Variants in PDGFRB observed in about 807,000 individuals in gnomAD.
PDGFRB encodes the protein platelet derived growth factor receptor beta.
PDGFRB carries 42 observed loss-of-function variants against 120.2 expected under a neutral mutation model. That is an observed-to-expected ratio of 0.35 (90% CI 0.27 to 0.45). PDGFRB has a LOEUF of 0.45. PDGFRB is among the 20% of genes least tolerant of loss of function. PDGFRB has a pLI of 1.00. For missense variants in PDGFRB, 1,149 were observed against 1,476.3 expected (o/e 0.78, Z 3.63); for synonymous variants, 586 against 606.8 (o/e 0.97, Z 0.50).
At chr5:150,117,249 A>G (rs1759964154) in intron 22 of PDGFRB, among the ~76,000 whole-genome samples, 1 of 152,128 alleles carries the variant, frequency 6.6e-6, no homozygotes, top group South Asian at 2.1e-4. Flanking sequence ...CAGGCTGGCC[A>G]TGAGTAACAG....
intron 6 of PDGFRB, among the ~76,000 whole-genome samples, 178 bp from the exon 7 acceptor site, chr5:150,133,120 G>T (rs1464480363): frequency 2.0e-5 from 3 of 152,198 alleles, no homozygotes; most frequent in Non-Finnish European, 2.9e-5. Context: ...CGAATTTGGG[G>T]CTAATATGGA....
rs2113914989 is a variant in PDGFRB at position 150,137,054 on chromosome 5, C to G, written c.-6-1G>C. The G allele has an allele frequency of 6.2e-7, 1 of 1,613,176 alleles. No individual in the cohort carries two copies. The highest frequency in any genetic ancestry group is 8.5e-7 in the Non-Finnish European group (1 of 1,179,456). ...TCGCACCCGGAAGCCGCATGGTGTC[C>G]TGCAGAGTTAAACAGGAGTCAGGGC... On this transcript the variant is annotated splice_acceptor_variant, in intron 1 of 22. Coordinates refer to ENST00000261799, the MANE Select transcript of PDGFRB (RefSeq NM_002609.4). LOFTEE classifies it low-confidence loss of function (5UTR_SPLICE).
Position 150,129,899 on chromosome 5 carries a change from G to C in PDGFRB, c.1437C>G (p.Asn479Lys). The C allele has an allele frequency of 6.2e-7, 1 of 1,614,134 alleles. No homozygotes were observed. The highest frequency in any genetic ancestry group is 8.5e-7 in the Non-Finnish European group (1 of 1,179,988). ...SSEEESQLET[N>K]VTYWEEEQEF... is the part of the protein sequence containing the mutation. ...CCTGCTCCTCCTCCCAGTACGTCAC[G>C]TTAGTCTCCAGCTGGCTCTCCTCTT... The change falls in exon 10 of 23, where the codon AAC (asparagine) becomes AAG (lysine). Residue 479 changes from asparagine (N) to lysine (K), a missense_variant. Physicochemically the swap from Asn to Lys is moderately conservative, Grantham distance 94. Around this residue, in one of 3 missense-constraint regions of PDGFRB, gnomAD observed 879 missense variants for 1,108.6 expected, o/e 0.79. Coordinates refer to ENST00000261799, the MANE Select transcript of PDGFRB (RefSeq NM_002609.4).
At chr5:150,124,947 G>A (rs1760255275) in intron 12 of PDGFRB, 116 bp from the exon 13 acceptor site, 5 of 586,090 alleles carry the variant, frequency 8.5e-6, no homozygotes, top group South Asian at 6.1e-5. Context: ...CCTGCCCAGT[G>A]AGGGGAAAGA....
At position 150,115,363 on chromosome 5, in the gene PDGFRB, CAGAAAAA is replaced by C. The variant is rs1759896258; in HGVS notation, c.*393_*399del. On this transcript the variant is annotated 3_prime_UTR_variant, in exon 23 of 23. Transcript: ENST00000261799. ...ATTCCTTGAGGGGTAGCTGGCTGAA[CAGAAAAA>C]AGTTAATTTACCACCTCAGTAACTC... 4.2e-6 allele frequency: 1 copy of C among 236,774 alleles called. No individual in the cohort carries two copies. The highest frequency in any genetic ancestry group is 1.8e-4 in the South Asian group (1 of 5,612). 14.7% of individuals were successfully genotyped at this position (236,774 alleles called of 1,614,324 possible).
intron 1 of PDGFRB, among the ~76,000 whole-genome samples, chr5:150,140,091 C>G (rs1263511128): frequency 6.6e-6 from 1 of 152,082 alleles, no homozygotes; most frequent in East Asian, 1.9e-4. Flanking sequence ...GGACAAGAGG[C>G]TGGAGGGCCA....
At chr5:150,141,765 T>C (rs1760790768) in intron 1 of PDGFRB, among the ~76,000 whole-genome samples, 1 of 152,036 alleles carries the variant, frequency 6.6e-6, no homozygotes, top group Non-Finnish European at 1.5e-5. Context: ...TGTGTGTGTG[T>C]GTGTACACGC....
rs113395639 is a variant in PDGFRB, at chr5:150,123,083, C to T, written c.2142G>A (p.Glu714=). The part of the protein sequence containing the change: ...HSDKRRPPSA[E]LYSNALPVGL... ...CAACGGGCAGAGCATTGCTGTAGAG[C>T]TCCGCGCTGGGCGGGCGGCGCTTGT... Residue 714 remains glutamate, a synonymous_variant, in exon 15 of 23, where the codon GAG becomes GAA. Transcript: ENST00000261799. 1 of 1,613,736 alleles carries T rather than the reference C, an allele frequency of 6.2e-7. No individual in the cohort carries two copies. Among genetic ancestry groups the T allele is most frequent in the Non-Finnish European group, 8.5e-7 (1 of 1,180,002 alleles).
intron 1 of PDGFRB, chr5:150,137,316 T>A: frequency 2.3e-6 from 1 of 436,170 alleles, no homozygotes; most frequent in Non-Finnish European, 4.1e-6. Flanking sequence ...CTCGGCTGCG[T>A]CCCCAGACTC....
chr5:150,119,133 G>T (rs912827863), intron 20 of PDGFRB, among the ~76,000 whole-genome samples: 1 of 152,234 alleles, frequency 6.6e-6, no homozygotes, highest in Non-Finnish European at 1.5e-5. Context: ...TTCCACGGTT[G>T]GTTCTTGATG....
chr5:150,130,022 G>C, intron 9 of PDGFRB, 54 bp from the exon 10 acceptor site: 1 of 1,369,006 alleles, frequency 7.3e-7, no homozygotes, highest in Non-Finnish European at 1.0e-6. Context: ...TGCAGACAGG[G>C]AAACTGAGGA....
intron 13 of PDGFRB, 71 bp downstream of exon 13, chr5:150,124,656 G>A: frequency 1.4e-6 from 1 of 739,754 alleles, no homozygotes; most frequent in Non-Finnish European, 2.3e-6. Context: ...CACCCTGGGA[G>A]AGGCTAAGTG....
intron 1 of PDGFRB, among the ~76,000 whole-genome samples, chr5:150,147,236 A>C (rs1296961462): frequency 6.6e-6 from 1 of 152,070 alleles, no homozygotes; most frequent in Non-Finnish European, 1.5e-5. Context: ...CCAGGCCTCC[A>C]CCATCCTGCT....
At chr5:150,125,406 G>C (rs375070240) in intron 12 of PDGFRB, 39 bp downstream of exon 12, 4 of 1,578,722 alleles carry the variant, frequency 2.5e-6, no homozygotes, top group Non-Finnish European at 3.5e-6. Flanking sequence ...CACCCAACTT[G>C]AGTCCCCACA....
At chr5:150,117,597 G>A (rs1015869563) in intron 22 of PDGFRB, 21 bp downstream of exon 22, 11 of 1,345,922 alleles carry the variant, frequency 8.2e-6, no homozygotes, top group Admixed American at 6.8e-5. Context: ...AATTTCCTTG[G>A]CCCCAGGCCA....
At position 150,131,690 on chromosome 5, in the gene PDGFRB, T is replaced by C. The variant is rs192340633; in HGVS notation, c.1243+289A>G. Among the ~76,000 whole-genome samples, 544 of 152,262 alleles carry C rather than the reference T, an allele frequency of 3.6e-3. 4 individuals carry two copies. The highest frequency in any genetic ancestry group is 5.6e-3 in the Non-Finnish European group (382 of 68,018). On this transcript the variant is annotated intron_variant, in intron 8 of 22. Coordinates refer to ENST00000261799, the MANE Select transcript of PDGFRB (RefSeq NM_002609.4). ...GCTCAATAAATACCTATCGAGTTAA[T>C]AGTACAGTATAAGTGGAATGTGAGA...
chr5:150,144,075 C>A (rs566143863), intron 1 of PDGFRB, among the ~76,000 whole-genome samples: 1 of 152,208 alleles, frequency 6.6e-6, no homozygotes, highest in South Asian at 2.1e-4. Context: ...CTCTGGAAGT[C>A]CAAACTGGAT....
chr5:150,151,622 T>C (rs1761079124), intron 1 of PDGFRB, among the ~76,000 whole-genome samples: 1 of 151,584 alleles, frequency 6.6e-6, no homozygotes, highest in Admixed American at 6.6e-5. Flanking sequence ...ACTTTGGGAG[T>C]CTGAGGCAGG....
In PDGFRB at chr5:150,134,975, A is replaced by G; in HGVS notation, c.406T>C (p.Phe136Leu). Residue 136 changes from phenylalanine (F) to leucine (L), a missense_variant, in exon 4 of 23, where the codon TTC becomes CTC. Coordinates refer to ENST00000261799, the MANE Select transcript of PDGFRB (RefSeq NM_002609.4). ...TCAGTTATTTCCGTGAGAAAGATGA[A>G]TAGTTCCTCGGCATCATTAGGGAGG... is the stretch of plus-strand genomic sequence containing the variant. ...GFLPNDAEEL[F>L]IFLTEITEIT... is the part of the protein sequence containing the mutation. The G allele has an allele frequency of 1.2e-6, 2 of 1,612,606 alleles. No individual in the cohort carries two copies. Among genetic ancestry groups the G allele is most frequent in the Non-Finnish European group, 1.7e-6 (2 of 1,179,002 alleles).
Sources: gnomAD v4.1 joint callset for allele counts (sites outside exome capture counted in the v4.1 genomes callset) on GRCh38, gnomAD v4.1.1 for gene constraint, gnomAD v4.1.1 regional missense constraint, MANE v1.5 for transcripts, NCBI Gene and HGNC (gene_info 2026-07-23, HGNC 2026-07-21) for gene names.